CPNE4: variants seen among roughly 807,000 people sequenced by gnomAD.
CPNE4 encodes the protein copine-4.
In CPNE4, 25 loss-of-function variants were observed where a neutral mutation model predicts 67.9. That is an observed-to-expected ratio of 0.37 (90% confidence interval 0.27 to 0.51). The LOEUF (loss-of-function observed/expected upper bound fraction) is 0.51. Ranked by LOEUF, CPNE4 falls within the 20% of genes least tolerant of loss-of-function variation. The probability of loss-of-function intolerance (pLI) is 0.93; values close to 1 mark genes in which losing one functional copy is unlikely to be tolerated. For missense variants in CPNE4, 464 were observed against 690.8 expected (o/e 0.67, Z 3.68); for synonymous variants, 242 against 244.9 (o/e 0.99, Z 0.11).
chr3:131,823,478 G>A (rs17362010), intron 2 of CPNE4, among the ~76,000 whole-genome samples: 11,320 of 152,228 alleles, frequency 0.074, 568 homozygotes, highest in East Asian at 0.17. Flanking sequence ...ATCACCACAA[G>A]TTGATGGGAT....
intron 2 of CPNE4, among the ~76,000 whole-genome samples, chr3:131,848,930 C>CACT (rs748530352): frequency 6.6e-5 from 8 of 120,906 alleles, no homozygotes; most frequent in Non-Finnish European, 1.1e-4. Flanking sequence ...ATCACAGCCT[C>CACT]ACTGGTGGAA....
intron 1 of CPNE4, among the ~76,000 whole-genome samples, chr3:132,024,082 ATTTTT>A (rs10584915): frequency 4.5e-5 from 6 of 134,032 alleles, no homozygotes; most frequent in African/African-American, 1.1e-4. Flanking sequence ...GTCTTCAGTA[ATTTTT>A]TTTTTTTTTT....
At chr3:131,972,884 C>T (rs1258218412) in intron 1 of CPNE4, among the ~76,000 whole-genome samples, 2 of 152,164 alleles carry the variant, frequency 1.3e-5, no homozygotes, top group East Asian at 1.9e-4. Flanking sequence ...TCACAAGTCT[C>T]AAAGCGTGGC....
At chr3:131,561,860 C>T (rs1045808956) in intron 11 of CPNE4, among the ~76,000 whole-genome samples, 2 of 152,022 alleles carry the variant, frequency 1.3e-5, no homozygotes, top group African/African-American at 4.8e-5. Context: ...ACAGCGGAAC[C>T]TTGTCAGTTT....
At chr3:131,557,392 A>G (rs1936518382) in intron 11 of CPNE4, among the ~76,000 whole-genome samples, 1 of 152,222 alleles carries the variant, frequency 6.6e-6, no homozygotes, top group East Asian at 1.9e-4. Context: ...GCTGACAGAA[A>G]AGTCAAAGTA....
chr3:131,769,552 G>A (rs1393582820), intron 2 of CPNE4, among the ~76,000 whole-genome samples: 1 of 152,174 alleles, frequency 6.6e-6, no homozygotes, highest in African/African-American at 2.4e-5. Flanking sequence ...AAGCCGCAGT[G>A]ATGATAACCT....
rs1353716061 is a variant in CPNE4, at chr3:131,564,267, T to A, written c.1010A>T (p.Glu337Val). The change falls in exon 11 of 16, where the codon GAG becomes GTG. Residue 337 changes from glutamate to valine, a missense_variant. Transcript: ENST00000429747. ...LHYIHPYQPNEYLKALVAVGE... is the reference protein window; with the variant it reads ...LHYIHPYQPNVYLKALVAVGE... Reference sequence around the variant, plus strand: ...CACAGCTACCAAAGCTTTCAGATACTCATTGGGTTGGTAAGGGTGGATGTA... The same window carrying A: ...CACAGCTACCAAAGCTTTCAGATACACATTGGGTTGGTAAGGGTGGATGTA... 1.9e-6 allele frequency: 3 copies of A among 1,612,884 alleles called. No homozygotes were observed. Among genetic ancestry groups the A allele is most frequent in the Non-Finnish European group, 2.5e-6 (3 of 1,179,326 alleles).
chr3:131,722,482 A>C, intron 3 of CPNE4, among the ~76,000 whole-genome samples: 1 of 142,634 alleles, frequency 7.0e-6, no homozygotes, highest in South Asian at 2.3e-4. Context: ...AGTTGCTTAT[A>C]TTGCTTTCTT....
chr3:131,854,461 T>C (rs1197992435), intron 2 of CPNE4, among the ~76,000 whole-genome samples: 2 of 151,950 alleles, frequency 1.3e-5, no homozygotes, highest in Non-Finnish European at 2.9e-5. Flanking sequence ...TGTATATACA[T>C]GTCAAATGAC....
At chr3:131,915,593 A>C (rs1452734632) in intron 1 of CPNE4, among the ~76,000 whole-genome samples, 1 of 152,232 alleles carries the variant, frequency 6.6e-6, no homozygotes, top group Non-Finnish European at 1.5e-5. Context: ...AATTAACAAT[A>C]TGACAATTGT....
At chr3:131,655,618 A>G (rs1472611821) in intron 7 of CPNE4, among the ~76,000 whole-genome samples, 1 of 152,146 alleles carries the variant, frequency 6.6e-6, no homozygotes, top group Non-Finnish European at 1.5e-5. Context: ...TGTTGAAGTA[A>G]AGTTAATTGC....
chr3:131,748,016 G>A (rs1173982655), intron 2 of CPNE4, among the ~76,000 whole-genome samples: 1 of 151,972 alleles, frequency 6.6e-6, no homozygotes, highest in Non-Finnish European at 1.5e-5. Context: ...AGCTGAGGAA[G>A]TTCTCCTCTA....
chr3:131,617,615 C>T (rs1229293807), intron 7 of CPNE4, among the ~76,000 whole-genome samples: 1 of 152,142 alleles, frequency 6.6e-6, no homozygotes, highest in Non-Finnish European at 1.5e-5. Context: ...CACTTTCTTC[C>T]CATGCCACAC....
intron 1 of CPNE4, among the ~76,000 whole-genome samples, chr3:132,033,234 A>C (rs909570819): frequency 1.3e-5 from 2 of 152,248 alleles, no homozygotes; most frequent in African/African-American, 4.8e-5. Context: ...AGGAAACAAA[A>C]CCAAGTGAGC....
intron 4 of CPNE4, among the ~76,000 whole-genome samples, chr3:131,698,101 G>A (rs1356941616): frequency 2.0e-5 from 3 of 151,646 alleles, no homozygotes; most frequent in Admixed American, 6.6e-5. Flanking sequence ...CAGGTGTGGT[G>A]GTGGGCGCCT....
Position 131,622,861 on chromosome 3 carries a change from C to T in CPNE4, c.682-35279G>A, listed in dbSNP as rs61557277. ...GCCTCCACAGGAGTTTGCCGCTGTC[C>T]GTGATTCTGAAAGTACTGCCCTAGA... On this transcript the variant is annotated intron_variant, in intron 7 of 15. Transcript: ENST00000429747. 1.9e-3 allele frequency among the ~76,000 whole-genome samples: 286 copies of T among 152,230 alleles called. 1 individual carries two copies. The highest frequency in any genetic ancestry group is 6.4e-3 in the African/African-American group (267 of 41,556).
chr3:131,815,752 CTTTT>C (rs142800877), intron 2 of CPNE4, among the ~76,000 whole-genome samples: 5,507 of 152,240 alleles, frequency 0.036, 337 homozygotes, highest in African/African-American at 0.12. Flanking sequence ...TCTCAAGCTT[CTTTT>C]TATACTGGGG....
In CPNE4 at chr3:131,991,164, G is replaced by A. The variant is rs757305707; in HGVS notation, c.-2+43403C>T. 6.8e-4 allele frequency among the ~76,000 whole-genome samples: 92 copies of A among 136,096 alleles called. 19 individuals carry two copies. Among genetic ancestry groups the A allele is most frequent in the Non-Finnish European group, 1.1e-3 (66 of 60,026 alleles). 89.3% of individuals were successfully genotyped at this position (136,096 alleles called of 152,430 possible). On this transcript the variant is annotated intron_variant, in intron 1 of 15. Transcript: ENST00000429747. ...AGTAAATTGGTGCTGAAGGAGTAGG[G>A]CATGGCTATAACGATGGAAGCAACT...
chr3:131,599,985 A>G (rs868482488), intron 7 of CPNE4, among the ~76,000 whole-genome samples: 2 of 152,170 alleles, frequency 1.3e-5, no homozygotes, highest in Non-Finnish European at 2.9e-5. Context: ...TTGATGAAAC[A>G]AGAGCCCCAG....
Sources: allele counts gnomAD v4.1 joint callset (sites outside exome capture counted in the v4.1 genomes callset), GRCh38; gene constraint gnomAD v4.1.1; transcripts MANE v1.5; gene names NCBI Gene and HGNC (gene_info 2026-07-23, HGNC 2026-07-21).